Variants in CFAP20DC observed in about 807,000 individuals in gnomAD.
The protein encoded by CFAP20DC is CFAP20 domain containing, also known as protein CFAP20DC.
Under a neutral mutation model 101.7 loss-of-function variants are expected in CFAP20DC, and 84 were observed. The observed-to-expected ratio is 0.83, with a 90% CI of 0.69 to 0.99. The LOEUF is 0.99. Among genes scored for constraint, CFAP20DC ranks in the 50% least tolerant of loss-of-function variants. The pLI, the probability that CFAP20DC is intolerant of heterozygous loss-of-function variation, is 0.00. For synonymous variants in CFAP20DC, 359 were observed against 351.2 expected (o/e 1.02, Z -0.25); for missense variants, 1,007 against 970.3 (o/e 1.04, Z -0.50).
intron 4 of CFAP20DC, among the ~76,000 whole-genome samples, chr3:59,024,277 T>C (rs906705056): frequency 3.3e-5 from 5 of 152,200 alleles, no homozygotes; most frequent in African/African-American, 9.6e-5. Context: ...GCAGGTACTA[T>C]ACTGTAACCA....
At position 58,992,879 on chromosome 3, in the gene CFAP20DC, C is replaced by A. The variant is rs1014747866; in HGVS notation, c.278+46678G>T. 5.1e-4 allele frequency among the ~76,000 whole-genome samples: 77 copies of A among 152,018 alleles called. 1 individual carries two copies. The highest frequency in any genetic ancestry group is 1.8e-3 in the African/African-American group (76 of 41,508). The stretch of plus-strand genomic sequence containing the variant: ...GGAAAGCTTATTTTAAAATAAAATA[C>A]ATACTTTATTTTAAAGCTTATTTAA... On this transcript the variant is annotated intron_variant, in intron 4 of 16. Coordinates refer to ENST00000482387, the MANE Select transcript of CFAP20DC (RefSeq NM_001394063.1).
chr3:58,901,634 A>C (rs1404487121), intron 6 of CFAP20DC, among the ~76,000 whole-genome samples: 1 of 152,226 alleles, frequency 6.6e-6, no homozygotes, highest in African/African-American at 2.4e-5. Context: ...CATCTTACTA[A>C]GTGATTTTTT....
intron 4 of CFAP20DC, among the ~76,000 whole-genome samples, chr3:59,011,552 C>T (rs1268439581): frequency 6.7e-6 from 1 of 149,846 alleles, no homozygotes; most frequent in African/African-American, 2.4e-5. Flanking sequence ...GCGGAAGGAA[C>T]TAGAGAAAGA....
intron 4 of CFAP20DC, among the ~76,000 whole-genome samples, chr3:58,962,335 T>A (rs988093330): frequency 6.6e-5 from 10 of 152,220 alleles, no homozygotes; most frequent in African/African-American, 2.4e-4. Flanking sequence ...CAATTTTTTA[T>A]CTCATGTTTA....
rs1199367420 is a variant in CFAP20DC at position 58,732,808 on chromosome 3, A to G, written c.198-15180T>C. Among the ~76,000 whole-genome samples the G allele has an allele frequency of 6.6e-6, 1 of 152,222 alleles. No homozygotes were observed. The highest frequency in any genetic ancestry group is 6.5e-5 in the Admixed American group (1 of 15,288). On this transcript the variant is annotated intron_variant, in intron 3 of 3. Coordinates refer to the CFAP20DC transcript ENST00000486145. This position sits in a 1 kb window ranked among gnomAD's most constrained non-coding sequence, Gnocchi z 5.4. ...GAGATGGAAAACCATGGTTTTGAAGACACTGGTATGTCTTTGGTGAAATGT... is the reference window on the plus strand; with the variant it reads ...GAGATGGAAAACCATGGTTTTGAAGGCACTGGTATGTCTTTGGTGAAATGT...
chr3:58,823,807 G>A (rs2075854844), intron 14 of CFAP20DC, among the ~76,000 whole-genome samples: 1 of 152,064 alleles, frequency 6.6e-6, no homozygotes, highest in Non-Finnish European at 1.5e-5. Flanking sequence ...ACATTTATTT[G>A]AAATATATAT....
At chr3:58,720,747 G>C (rs999868359) in intron 3 of CFAP20DC, among the ~76,000 whole-genome samples, 1 of 152,056 alleles carries the variant, frequency 6.6e-6, no homozygotes, top group Non-Finnish European at 1.5e-5. Context: ...CAGTGTCAAA[G>C]TACTCTCCAT....
In CFAP20DC at chr3:58,835,602, C is replaced by T. The variant is rs148302699; in HGVS notation, c.1972-3713G>A. On this transcript the variant is annotated intron_variant, in intron 13 of 16. Coordinates refer to ENST00000482387, the MANE Select transcript of CFAP20DC (RefSeq NM_001394063.1). ...TGCATTTCCATGACTTTATTTCATA[C>T]AACAGTAAAATGTATTCTGACAACA... Among the ~76,000 whole-genome samples, 13 of 152,264 alleles carry T rather than the reference C, an allele frequency of 8.5e-5. No homozygotes were observed. In the East Asian group the frequency reaches 2.3e-3, roughly 27 times the overall value.
chr3:58,716,447 G>C (rs1458534720), downstream of CFAP20DC, among the ~76,000 whole-genome samples: 1 of 152,084 alleles, frequency 6.6e-6, no homozygotes, highest in African/African-American at 2.4e-5. Context: ...ACAGGCATGA[G>C]CCACCGCGCC....
chr3:59,040,294 CAG>C (rs1395993457), intron 3 of CFAP20DC, among the ~76,000 whole-genome samples: 1 of 151,956 alleles, frequency 6.6e-6, no homozygotes, highest in Non-Finnish European at 1.5e-5. Flanking sequence ...GCAGAGAAAC[CAG>C]TCCCTACAGC....
intron 4 of CFAP20DC, among the ~76,000 whole-genome samples, chr3:58,967,272 T>C (rs970099783): frequency 3.3e-5 from 5 of 152,178 alleles, no homozygotes; most frequent in Admixed American, 3.3e-4. Context: ...GGGGAAAGAA[T>C]AGTCTTTTTA....
chr3:58,884,179 TC>T (rs2081430509), intron 7 of CFAP20DC, among the ~76,000 whole-genome samples: 1 of 152,208 alleles, frequency 6.6e-6, no homozygotes, highest in African/African-American at 2.4e-5. Flanking sequence ...TTGGCTTCAG[TC>T]CCCACTACTC....
intron 14 of CFAP20DC, among the ~76,000 whole-genome samples, chr3:58,827,568 T>G (rs1052040728): frequency 6.6e-6 from 1 of 152,220 alleles, no homozygotes; most frequent in African/African-American, 2.4e-5. Flanking sequence ...TGGCTTCCTT[T>G]TGGAACTTGG....
intron 15 of CFAP20DC, among the ~76,000 whole-genome samples, chr3:58,769,069 G>A (rs1354255874): frequency 1.3e-5 from 2 of 152,216 alleles, no homozygotes; most frequent in Non-Finnish European, 2.9e-5. Context: ...AAAGGAAGGG[G>A]CAGTGGCCAG....
At chr3:59,034,093 C>G (rs1429491089) in intron 4 of CFAP20DC, among the ~76,000 whole-genome samples, 1 of 152,158 alleles carries the variant, frequency 6.6e-6, no homozygotes, top group Non-Finnish European at 1.5e-5. Flanking sequence ...TCCAGTCAAA[C>G]TAAGCTTCAT....
At chr3:58,979,822 T>C (rs1014088347) in intron 4 of CFAP20DC, among the ~76,000 whole-genome samples, 7 of 152,038 alleles carry the variant, frequency 4.6e-5, no homozygotes, top group Non-Finnish European at 4.4e-5. Flanking sequence ...TTTTTCTTTT[T>C]TTTTTTTTAT....
intron 4 of CFAP20DC, among the ~76,000 whole-genome samples, chr3:58,994,833 C>G (rs1332219300): frequency 6.7e-6 from 1 of 150,196 alleles, no homozygotes; most frequent in African/African-American, 2.5e-5. Flanking sequence ...AACCAAAAGA[C>G]TTAAAAAAAA....
rs1167188872 is a variant in CFAP20DC, at chr3:58,882,926, A to G, written c.715+1619T>C. On this transcript the variant is annotated intron_variant, in intron 7 of 16. Coordinates refer to ENST00000482387, the MANE Select transcript of CFAP20DC (RefSeq NM_001394063.1). The surrounding 1 kb of genome is among the most constrained non-coding windows in gnomAD (Gnocchi z 4.2). Reference sequence around the variant, plus strand: ...ACTAAATAATGTACTGCTTATTTATACATAGTCATCTGCAGGATTTATACT... The same window carrying G: ...ACTAAATAATGTACTGCTTATTTATGCATAGTCATCTGCAGGATTTATACT... Among the ~76,000 whole-genome samples the G allele has an allele frequency of 6.6e-6, 1 of 152,236 alleles. No individual in the cohort carries two copies. The highest frequency in any genetic ancestry group is 1.5e-5 in the Non-Finnish European group (1 of 68,040).
At chr3:58,934,539 C>A (rs532122641) in intron 5 of CFAP20DC, among the ~76,000 whole-genome samples, 37 of 152,162 alleles carry the variant, frequency 2.4e-4, no homozygotes, top group Admixed American at 5.2e-4. Flanking sequence ...TACTGGCAAA[C>A]CGAATCCAGC....
Sources: gnomAD v4.1 joint callset for allele counts (sites outside exome capture counted in the v4.1 genomes callset) on GRCh38, gnomAD v4.1.1 for gene constraint, Gnocchi (gnomAD v3.1) non-coding constraint, MANE v1.5 for transcripts, NCBI Gene and HGNC (gene_info 2026-07-23, HGNC 2026-07-21) for gene names.